The following MRPL50 variants were observed in gnomAD, a reference collection of about 807,000 sequenced individuals.
MRPL50 encodes the protein large ribosomal subunit protein mL50.
In MRPL50, 10 loss-of-function variants were observed where a neutral mutation model predicts 16.2. The ratio of observed to expected loss-of-function variants is 0.62; its 90% CI spans 0.38 to 1.05. The LOEUF is 1.05. Among genes scored for constraint, MRPL50 ranks in the 50% least tolerant of loss-of-function variants. The probability of loss-of-function intolerance (pLI) is 0.01; values close to 1 mark genes in which losing one functional copy is unlikely to be tolerated. For missense variants in MRPL50, 213 were observed against 187.1 expected, an observed-to-expected ratio of 1.14 and a Z score of -0.81; for synonymous variants, 68 against 66.8, an observed-to-expected ratio of 1.02 and a Z score of -0.09.
rs41281031 is a variant in MRPL50, at chr9:101,390,132, T to C, written c.*334A>G. The C allele has an allele frequency of 4.7e-4, 493 of 1,038,166 alleles. 3 individuals carry two copies. The Middle Eastern group carries it at 5.7e-3, about 12-fold the overall frequency. The allele number at this position is 1,038,166 out of a possible 1,614,324, so 64.3% of individuals were successfully genotyped here. On this transcript the variant is annotated 3_prime_UTR_variant, in exon 2 of 2. Coordinates refer to ENST00000374865, the MANE Select transcript of MRPL50 (RefSeq NM_019051.3). ...GATATGAATCCTAACAGGATGAAAA[T>C]ACTTTCTTGCAACTACTTTATGCTT...
intron 1 of MRPL50, among the ~76,000 whole-genome samples, chr9:101,392,728 G>A (rs1045639996): frequency 3.9e-5 from 6 of 151,900 alleles, no homozygotes; most frequent in Non-Finnish European, 7.4e-5. Flanking sequence ...CAATCAATAC[G>A]AATTCTACCA....
intron 1 of MRPL50, among the ~76,000 whole-genome samples, chr9:101,397,864 G>A (rs532556097): frequency 2.0e-5 from 3 of 152,304 alleles, no homozygotes; most frequent in South Asian, 2.1e-4. Context: ...TGGTGCAGCC[G>A]TGCAGCAGAA....
Position 101,390,559 on chromosome 9 carries a change from A to G in MRPL50, c.384T>C (p.Asp128=). The change falls in exon 2 of 2, where the codon GAT becomes GAC. Residue 128 remains aspartate (D), a synonymous_variant. Coordinates refer to ENST00000374865, the MANE Select transcript of MRPL50 (RefSeq NM_019051.3). ...HQMCRVRDVL[D]FYNVPIQDRS... Reference sequence around the variant, plus strand: ...TATCTTGAATAGGGACATTATAGAAATCAAGAACATCTCTAACCCTGCACA... The same window carrying G: ...TATCTTGAATAGGGACATTATAGAAGTCAAGAACATCTCTAACCCTGCACA... The G allele has an allele frequency of 6.2e-7, 1 of 1,613,414 alleles. No homozygotes were observed. The highest frequency in any genetic ancestry group is 8.5e-7 in the Non-Finnish European group (1 of 1,179,486).
intron 1 of MRPL50, among the ~76,000 whole-genome samples, chr9:101,396,214 T>C (rs923180882): frequency 2.0e-5 from 3 of 152,192 alleles, no homozygotes; most frequent in Non-Finnish European, 4.4e-5. Flanking sequence ...AATATTGGCA[T>C]AGCCATTATA....
chr9:101,397,759 G>A (rs1213546079), intron 1 of MRPL50, among the ~76,000 whole-genome samples: 1 of 152,200 alleles, frequency 6.6e-6, no homozygotes. Context: ...TTAAACCTAA[G>A]AGAGCATACA....
chr9:101,397,108 T>C (rs1282082969), intron 1 of MRPL50, among the ~76,000 whole-genome samples: 1 of 152,214 alleles, frequency 6.6e-6, no homozygotes, highest in Non-Finnish European at 1.5e-5. Context: ...TTAATAATAC[T>C]GTACTGTATA....
intron 1 of MRPL50, among the ~76,000 whole-genome samples, chr9:101,393,990 CAAAA>C (rs76598460): frequency 1.2e-3 from 79 of 66,462 alleles, no homozygotes; most frequent in Non-Finnish European, 2.1e-3. Context: ...TAATGCTAAG[CAAAA>C]AAAAAAAAAA....
intron 1 of MRPL50, among the ~76,000 whole-genome samples, chr9:101,391,397 T>C (rs1440222157): frequency 6.6e-6 from 1 of 152,160 alleles, no homozygotes; most frequent in African/African-American, 2.4e-5. Context: ...TCATGTGATC[T>C]CTTCAGCAGT....
At chr9:101,393,504 CTTATA>C (rs1489512595) in intron 1 of MRPL50, among the ~76,000 whole-genome samples, 2 of 151,990 alleles carry the variant, frequency 1.3e-5, no homozygotes, top group Admixed American at 1.3e-4. Flanking sequence ...GATATATGAT[CTTATA>C]TATCTTGTTG....
chr9:101,393,064 A>G lies in MRPL50; in HGVS notation c.93-2214T>C, dbSNP rs1422417016. Among the ~76,000 whole-genome samples, 4 of 152,174 alleles carry G rather than the reference A, an allele frequency of 2.6e-5. No homozygotes were observed. The East Asian group carries it at 7.7e-4, about 29-fold the overall frequency. On this transcript the variant is annotated intron_variant, in intron 1 of 1. Coordinates refer to ENST00000374865, the MANE Select transcript of MRPL50 (RefSeq NM_019051.3). ...AATGGTTCAACATATGCAAATCAAC[A>G]AATTCGATACATCACATTGATAGAA...
rs41307485 is a variant in MRPL50, at chr9:101,389,927, C to A, written c.*539G>T. On this transcript the variant is annotated 3_prime_UTR_variant, in exon 2 of 2. Transcript: ENST00000374865. ...ACTGGAAAGAAATGGCAAGGCAGAG[C>A]GCAAGCAAATTTCACTTAAAAAATT... The A allele has an allele frequency of 7.3e-6, 6 of 824,660 alleles. No homozygotes were observed. The highest frequency in any genetic ancestry group is 5.6e-5 in the South Asian group (1 of 18,010). 51.1% of individuals were successfully genotyped at this position (824,660 alleles called of 1,614,324 possible).
Position 101,389,522 on chromosome 9 carries a change from A to G in MRPL50, c.*944T>C. On this transcript the variant is annotated 3_prime_UTR_variant, in exon 2 of 2. Transcript: ENST00000374865. ...AGAATAAATGCAACTTATTTTGTTA[A>G]AAACCCTTCTATCACTTTTCTTTAG... The G allele has an allele frequency of 8.0e-7, 1 of 1,252,902 alleles. No homozygotes were observed. Among genetic ancestry groups the G allele is most frequent in the Non-Finnish European group, 1.0e-6 (1 of 956,838 alleles). 77.6% of individuals were successfully genotyped at this position (1,252,902 alleles called of 1,614,324 possible). A position where few individuals can be genotyped will look rare whatever the true frequency, so the allele number is the denominator to read the frequency against.
At chr9:101,396,269 C>T (rs1830338849) in intron 1 of MRPL50, among the ~76,000 whole-genome samples, 1 of 152,086 alleles carries the variant, frequency 6.6e-6, no homozygotes, top group Admixed American at 6.6e-5. Context: ...CAGAACTATC[C>T]TAACTATCCT....
intron 1 of MRPL50, among the ~76,000 whole-genome samples, chr9:101,396,739 C>T (rs1208163387): frequency 2.0e-5 from 3 of 151,896 alleles, no homozygotes; most frequent in South Asian, 4.1e-4. Flanking sequence ...GTCAAGAGAT[C>T]GAGACCATTC....
Position 101,398,580 on chromosome 9 carries a change from A to T in MRPL50, c.13T>A (p.Ser5Thr), listed in dbSNP as rs373161039. ...ACTCTTCTGGTAATGCCCGACACAGATCGCGCCGCCATCTTCGATGAGATC... is the reference window on the plus strand; with the variant it reads ...ACTCTTCTGGTAATGCCCGACACAGTTCGCGCCGCCATCTTCGATGAGATC... MAAR[S>T]VSGITRRVFM... Residue 5 changes from serine (S) to threonine (T), a missense_variant, in exon 1 of 2, where the codon TCT (serine) becomes ACT (threonine). Ser to Thr is a moderately conservative substitution (Grantham distance 58). Coordinates refer to ENST00000374865, the MANE Select transcript of MRPL50 (RefSeq NM_019051.3). 6.2e-7 allele frequency: 1 copy of T among 1,613,610 alleles called. No homozygotes were observed. Among genetic ancestry groups the T allele is most frequent in the Non-Finnish European group, 8.5e-7 (1 of 1,180,022 alleles).
intron 1 of MRPL50, among the ~76,000 whole-genome samples, chr9:101,396,944 CACAA>C (rs1830352292): frequency 6.6e-6 from 1 of 151,720 alleles, no homozygotes; most frequent in Non-Finnish European, 1.5e-5. Flanking sequence ...CCATCTCCAA[CACAA>C]ACAAAAAAAA....
At chr9:101,392,565 G>C (rs965316903) in intron 1 of MRPL50, among the ~76,000 whole-genome samples, 1 of 151,876 alleles carries the variant, frequency 6.6e-6, no homozygotes, top group Non-Finnish European at 1.5e-5. Flanking sequence ...CCTAGACACG[G>C]ACAACTTACC....
chr9:101,392,203 A>G (rs1217001575), intron 1 of MRPL50, among the ~76,000 whole-genome samples: 1 of 152,094 alleles, frequency 6.6e-6, no homozygotes, highest in Non-Finnish European at 1.5e-5. Flanking sequence ...AAACATCTAC[A>G]TGAAAAAAGA....
At chr9:101,397,593 C>T (rs1241362554) in intron 1 of MRPL50, among the ~76,000 whole-genome samples, 1 of 152,054 alleles carries the variant, frequency 6.6e-6, no homozygotes, top group Non-Finnish European at 1.5e-5. Flanking sequence ...TATAGCCTGG[C>T]ATATAGTAAA....
Sources: gnomAD v4.1 joint callset for allele counts (sites outside exome capture counted in the v4.1 genomes callset) on GRCh38, gnomAD v4.1.1 for gene constraint, MANE v1.5 for transcripts, NCBI Gene and HGNC (gene_info 2026-07-23, HGNC 2026-07-21) for gene names.